CEP43: variants seen among roughly 807,000 people sequenced by gnomAD.
CEP43 encodes centrosomal protein 43, also known as FGFR1 oncogene partner.
A neutral mutation model predicts 52.6 loss-of-function variants in CEP43; 36 were observed. The ratio of observed to expected loss-of-function variants is 0.68; its 90% CI spans 0.52 to 0.90. CEP43 has a LOEUF of 0.90. Ranked by LOEUF, CEP43 falls within the 40% of genes least tolerant of loss-of-function variation. The pLI is 0.00. For missense variants in CEP43, 506 were observed against 472.8 expected (o/e 1.07, Z -0.65); for synonymous variants, 192 against 172.4 (o/e 1.11, Z -0.89).
In CEP43 at chr6:167,033,881, C is replaced by T; in HGVS notation, c.1035C>T (p.Ser345=). ...TTTCCCCTTCTGAAATTAGTACCAG[C>T]CATCGCTCAGAGAAAAGTGAGATAA... ...DDYVDDFNST[S]HRSEKSEISI... Residue 345 remains serine (S), a synonymous_variant, in exon 12 of 13, where the codon AGC becomes AGT. Transcript: ENST00000366847. 1.3e-6 allele frequency: 2 copies of T among 1,557,406 alleles called. No individual in the cohort carries two copies. The highest frequency in any genetic ancestry group is 1.2e-5 in the South Asian group (1 of 84,528).
chr6:167,006,743 G>GTGTTAGTATTACTGTTTCTTGTTAT (rs2128658353), intron 5 of CEP43, among the ~76,000 whole-genome samples: 1 of 152,288 alleles, frequency 6.6e-6, no homozygotes, highest in African/African-American at 2.4e-5. Context: ...AGGGACGACT[G>GTGTTAGTATTACTGTTTCTTGTTAT]TGTTAGTATT....
intron 9 of CEP43, among the ~76,000 whole-genome samples, chr6:167,026,207 A>AC (rs1554275800): frequency 1.3e-5 from 2 of 152,198 alleles, no homozygotes; most frequent in Non-Finnish European, 2.9e-5. Context: ...TACTAAAAAT[A>AC]CAAAAATTAG....
chr6:167,011,289 G>C (rs80244546), intron 6 of CEP43, among the ~76,000 whole-genome samples: 3,087 of 152,220 alleles, frequency 0.02, 53 homozygotes, highest in East Asian at 0.092. Context: ...TTCTAGATGG[G>C]TGATGAGATT....
chr6:167,000,328 A>T (rs1779705697), intron 2 of CEP43, among the ~76,000 whole-genome samples: 1 of 152,212 alleles, frequency 6.6e-6, no homozygotes, highest in South Asian at 2.1e-4. Flanking sequence ...AGTAACTCTG[A>T]TACTAATGCT....
Position 167,004,420 on chromosome 6 carries a change from T to C in CEP43, c.438+19T>C. The C allele has an allele frequency of 6.4e-7, 1 of 1,560,342 alleles. No homozygotes were observed. ...TGGGGAAGTAAGTAGAATTCTGTGT[T>C]ATCTTTTTCTATTTTAATTATTGGC... On this transcript the variant is annotated intron_variant, in intron 5 of 12. Transcript: ENST00000366847.
chr6:167,004,748 G>A (rs1779813656), intron 5 of CEP43, among the ~76,000 whole-genome samples: 1 of 152,074 alleles, frequency 6.6e-6, no homozygotes, highest in Non-Finnish European at 1.5e-5. Context: ...TTGGTGTTCT[G>A]AGGCTTCTCT....
In CEP43 at chr6:167,051,446, A is replaced by T. The variant is rs1349199780; in HGVS notation, c.*11468A>T. 1.3e-5 allele frequency: 2 copies of T among 152,342 alleles called. No homozygotes were observed. The highest frequency in any genetic ancestry group is 4.8e-5 in the African/African-American group (2 of 41,466). The allele number at this position is 152,342 out of a possible 1,614,324, so 9.4% of individuals were successfully genotyped here. A position where few individuals can be genotyped will look rare whatever the true frequency, so the allele number is the denominator to read the frequency against. On this transcript the variant is annotated 3_prime_UTR_variant, in exon 13 of 13. Transcript: ENST00000366847. ...CCAGGAATGACCAAGGGCAATTTGG[A>T]GATTAAAGTCAAGATGGAGTTGGTT...
intron 12 of CEP43, chr6:167,036,479 T>C (rs1780587792): frequency 2.0e-6 from 2 of 985,214 alleles, no homozygotes; most frequent in East Asian, 2.3e-4. Context: ...CATAGGTAGA[T>C]GTTGGAGGAA....
chr6:167,018,276 T>C (rs1405304076), intron 7 of CEP43, among the ~76,000 whole-genome samples: 3 of 152,236 alleles, frequency 2.0e-5, no homozygotes, highest in Non-Finnish European at 4.4e-5. Context: ...GGTCACACTC[T>C]GAAGTACTGG....
chr6:167,044,694 C>G lies in CEP43; in HGVS notation c.*4716C>G, dbSNP rs192881193. The G allele has an allele frequency of 5.9e-6, 2 of 338,450 alleles. No individual in the cohort carries two copies. Among genetic ancestry groups the G allele is most frequent in the Non-Finnish European group, 8.4e-6 (2 of 238,362 alleles). 21.0% of individuals were successfully genotyped at this position (338,450 alleles called of 1,614,324 possible). A position where few individuals can be genotyped will look rare whatever the true frequency, so the allele number is the denominator to read the frequency against. ...ACAAGGTAAGGTCGAGCTGGCCCCT[C>G]GTGTCATCCGACTTTGCGTTGTGGC... On this transcript the variant is annotated 3_prime_UTR_variant, in exon 13 of 13. Coordinates refer to ENST00000366847, the MANE Select transcript of CEP43 (RefSeq NM_007045.4).
intron 9 of CEP43, among the ~76,000 whole-genome samples, chr6:167,025,681 G>A (rs953131366): frequency 3.3e-5 from 5 of 152,132 alleles, no homozygotes; most frequent in East Asian, 1.9e-4. Context: ...TAAGAGAGCC[G>A]GCCTGTTGCT....
At chr6:167,006,768 T>C (rs950645942) in intron 5 of CEP43, among the ~76,000 whole-genome samples, 8 of 152,186 alleles carry the variant, frequency 5.3e-5, no homozygotes, top group African/African-American at 1.9e-4. Flanking sequence ...TTTCTTGTTA[T>C]TGTATGGATG....
Position 167,003,260 on chromosome 6 carries a change from G to T in CEP43, c.211+13G>T, listed in dbSNP as rs1178872643. The T allele has an allele frequency of 1.4e-6, 2 of 1,408,726 alleles. No homozygotes were observed. Among genetic ancestry groups the T allele is most frequent in the Admixed American group, 4.4e-5 (2 of 45,966 alleles). 87.3% of individuals were successfully genotyped at this position (1,408,726 alleles called of 1,614,324 possible). On this transcript the variant is annotated intron_variant, in intron 3 of 12. Transcript: ENST00000366847. ...AATACCAAAGACGGTAAGATGTTCA[G>T]TTTGTTCTTGTTTATCTATCTCTGA...
chr6:167,015,765 T>TA (rs954877285), intron 7 of CEP43, among the ~76,000 whole-genome samples: 1 of 152,140 alleles, frequency 6.6e-6, no homozygotes, highest in South Asian at 2.1e-4. Flanking sequence ...TAAATAAACT[T>TA]AAAAAAACAT....
rs1053949866 is a variant in CEP43, at chr6:167,042,503, C to T, written c.*2525C>T. Reference sequence around the variant, plus strand: ...CATTAGTCCCTGCCTCATGCTTGCCCACAGCTCTTCCTCCCCTCCTTACTT... The same window carrying T: ...CATTAGTCCCTGCCTCATGCTTGCCTACAGCTCTTCCTCCCCTCCTTACTT... On this transcript the variant is annotated 3_prime_UTR_variant, in exon 13 of 13. Coordinates refer to ENST00000366847, the MANE Select transcript of CEP43 (RefSeq NM_007045.4). 8.6e-6 allele frequency: 3 copies of T among 347,624 alleles called. No individual in the cohort carries two copies. Among genetic ancestry groups the T allele is most frequent in the African/African-American group, 2.2e-5 (1 of 44,994 alleles). 21.5% of individuals were successfully genotyped at this position (347,624 alleles called of 1,614,324 possible). A position where few individuals can be genotyped will look rare whatever the true frequency, so the allele number is the denominator to read the frequency against.
intron 12 of CEP43, chr6:167,036,427 TG>T: frequency 2.0e-6 from 2 of 985,348 alleles, no homozygotes; most frequent in Non-Finnish European, 2.4e-6. Context: ...GCAGAGGCCC[TG>T]GGGAGGGTAG....
At chr6:167,010,668 A>G (rs1387178033) in intron 5 of CEP43, 145 bp from the exon 6 acceptor site, 18 of 450,750 alleles carry the variant, frequency 4.0e-5, no homozygotes, top group Non-Finnish European at 6.3e-5. Context: ...ATTAGAGGAA[A>G]ATCTAAAAAG....
intron 12 of CEP43, among the ~76,000 whole-genome samples, chr6:167,035,275 T>TAA: frequency 6.6e-6 from 1 of 152,220 alleles, no homozygotes; most frequent in South Asian, 2.1e-4. Context: ...GGAAGCATTT[T>TAA]CTAAAGCCTT....
intron 10 of CEP43, among the ~76,000 whole-genome samples, chr6:167,026,844 C>T (rs987284552): frequency 3.3e-5 from 5 of 152,148 alleles, no homozygotes; most frequent in Admixed American, 3.3e-4. Flanking sequence ...AGTTTAAATT[C>T]TGGTCAGGAA....
Sources: allele counts gnomAD v4.1 joint callset (sites outside exome capture counted in the v4.1 genomes callset), GRCh38; gene constraint gnomAD v4.1.1; transcripts MANE v1.5; gene names NCBI Gene and HGNC (gene_info 2026-07-23, HGNC 2026-07-21).